TRIQK: variants seen among roughly 807,000 people sequenced by gnomAD.
The protein encoded by TRIQK is triple QxxK/R motif-containing protein.
A neutral mutation model predicts 10.8 loss-of-function variants in TRIQK; 10 were observed. That is an observed-to-expected ratio of 0.92 (90% confidence interval 0.57 to 1.57). The LOEUF is 1.57. Ranked by LOEUF, TRIQK falls within the 40% of genes most tolerant of loss-of-function variation. The pLI, the probability that TRIQK is intolerant of heterozygous loss-of-function variation, is 0.00. For synonymous variants in TRIQK, 33 were observed against 33.7 expected (o/e 0.98, Z 0.07); for missense variants, 107 against 97.7 (o/e 1.09, Z -0.40).
intron 2 of TRIQK, among the ~76,000 whole-genome samples, chr8:92,932,256 T>G (rs1036359491): frequency 1.3e-5 from 2 of 152,148 alleles, no homozygotes; most frequent in African/African-American, 4.8e-5. Flanking sequence ...TCAAATATAT[T>G]CCAAGGTCCT....
intron 2 of TRIQK, chr8:92,953,449 A>C (rs1477201956): frequency 6.6e-6 from 1 of 152,032 alleles, no homozygotes; most frequent in Admixed American, 6.6e-5. Flanking sequence ...ATAGTGATAA[A>C]AATTATAGAG....
intron 3 of TRIQK, among the ~76,000 whole-genome samples, chr8:92,913,327 T>C (rs1198316519): frequency 1.3e-5 from 2 of 151,990 alleles, no homozygotes; most frequent in Non-Finnish European, 2.9e-5. Flanking sequence ...CAGACACTTC[T>C]CAAAAGAAGA....
At chr8:92,901,215 C>T (rs1808918257) in intron 3 of TRIQK, among the ~76,000 whole-genome samples, 1 of 152,090 alleles carries the variant, frequency 6.6e-6, no homozygotes, top group Non-Finnish European at 1.5e-5. Context: ...TGATTTCTTC[C>T]TTTCCAATTT....
intron 1 of TRIQK, chr8:92,965,646 G>C: frequency 6.6e-6 from 1 of 152,446 alleles, no homozygotes; most frequent in East Asian, 1.9e-4. Context: ...GGACTAACGT[G>C]TCCAGGGCCC....
intron 3 of TRIQK, among the ~76,000 whole-genome samples, chr8:92,904,287 AT>A (rs1809125492): frequency 6.6e-6 from 1 of 152,100 alleles, no homozygotes. Flanking sequence ...TCTAACAGCT[AT>A]TTTGTTAATG....
At chr8:92,912,602 A>G (rs1809627555) in intron 3 of TRIQK, among the ~76,000 whole-genome samples, 3 of 151,992 alleles carry the variant, frequency 2.0e-5, no homozygotes, top group African/African-American at 7.2e-5. Context: ...ATAGAAAAAC[A>G]ATGTGGAAAA....
chr8:92,948,945 C>T (rs993276609), intron 2 of TRIQK, among the ~76,000 whole-genome samples: 3 of 152,298 alleles, frequency 2.0e-5, no homozygotes, highest in South Asian at 4.1e-4. Context: ...AGACTGCAAC[C>T]GACTTTTGTG....
At chr8:92,973,840 A>G (rs945036102) in intron 1 of TRIQK, 1 of 152,188 alleles carries the variant, frequency 6.6e-6, no homozygotes, top group East Asian at 1.9e-4. Flanking sequence ...AGTTTAAATG[A>G]TCACCACTGT....
chr8:93,000,653 T>C (rs1813201001), intron 1 of TRIQK, among the ~76,000 whole-genome samples: 1 of 152,126 alleles, frequency 6.6e-6, no homozygotes, highest in African/African-American at 2.4e-5. Flanking sequence ...TATAAAAAGA[T>C]ATAAATTAAG....
intron 2 of TRIQK, among the ~76,000 whole-genome samples, chr8:92,949,583 A>G (rs1175053857): frequency 2.7e-5 from 4 of 149,340 alleles, no homozygotes; most frequent in Non-Finnish European, 4.5e-5. Context: ...AGAAAGAAAG[A>G]GATGGAAAGA....
At chr8:92,936,147 A>G (rs1810976904) in intron 2 of TRIQK, among the ~76,000 whole-genome samples, 1 of 151,782 alleles carries the variant, frequency 6.6e-6, no homozygotes, top group Non-Finnish European at 1.5e-5. Context: ...TGAAATGAGA[A>G]CAAGGCAAGA....
chr8:92,956,597 C>T (rs1812184836), intron 1 of TRIQK, among the ~76,000 whole-genome samples: 2 of 151,714 alleles, frequency 1.3e-5, no homozygotes, highest in South Asian at 2.1e-4. Flanking sequence ...ACTCTACAGT[C>T]CTTATCTAAA....
At chr8:93,004,691 G>A (rs748700280) in intron 1 of TRIQK, among the ~76,000 whole-genome samples, 1 of 152,158 alleles carries the variant, frequency 6.6e-6, no homozygotes, top group African/African-American at 2.4e-5. Flanking sequence ...AAGTAGCCAG[G>A]CCACAATTTG....
chr8:92,937,564 C>G (rs1811055402), intron 2 of TRIQK, among the ~76,000 whole-genome samples: 1 of 138,670 alleles, frequency 7.2e-6, no homozygotes, highest in Non-Finnish European at 1.5e-5. Flanking sequence ...GTCCCATCTG[C>G]TGTTACCTCA....
intron 1 of TRIQK, among the ~76,000 whole-genome samples, chr8:92,982,455 TA>T (rs1339046266): frequency 3.9e-5 from 6 of 152,024 alleles, no homozygotes; most frequent in Non-Finnish European, 8.8e-5. Flanking sequence ...AATGCATGTG[TA>T]CAAAACAAGA....
At chr8:92,974,451 G>A (rs1812909212) in intron 1 of TRIQK, 1 of 152,288 alleles carries the variant, frequency 6.6e-6, no homozygotes, top group African/African-American at 2.4e-5. Context: ...ACCACGATTT[G>A]TGACCTCCTT....
rs145256307 is a variant in TRIQK at position 92,914,705 on chromosome 8, C to T, written c.61+2224G>A. On this transcript the variant is annotated intron_variant, in intron 3 of 4. Transcript: ENST00000521988. ...AACCACAATAAGATAATGTCTCACA[C>T]GTGTTAGGATGACTATGTTAAAAAA... 3.6e-3 allele frequency among the ~76,000 whole-genome samples: 554 copies of T among 152,102 alleles called. 4 individuals carry two copies. The highest frequency in any genetic ancestry group is 0.022 in the South Asian group (107 of 4,816).
chr8:92,944,694 AAC>A (rs1438977586), intron 2 of TRIQK, among the ~76,000 whole-genome samples: 4 of 152,146 alleles, frequency 2.6e-5, no homozygotes, highest in Non-Finnish European at 5.9e-5. Context: ...AACGGTGGTC[AAC>A]AGAGGCTAGC....
chr8:93,006,343 G>C (rs1277895813), intron 1 of TRIQK, among the ~76,000 whole-genome samples: 1 of 152,178 alleles, frequency 6.6e-6, no homozygotes, highest in Non-Finnish European at 1.5e-5. Flanking sequence ...AGACCACCTG[G>C]GAAAGGGGAG....
Sources: gnomAD v4.1 joint callset for allele counts (sites outside exome capture counted in the v4.1 genomes callset) on GRCh38, gnomAD v4.1.1 for gene constraint, MANE v1.5 for transcripts, NCBI Gene and HGNC (gene_info 2026-07-23, HGNC 2026-07-21) for gene names.